GPR39: variants seen among roughly 807,000 people sequenced by gnomAD.
The protein encoded by GPR39 is G protein-coupled receptor 39, also known as zinc sensing receptor.
A neutral mutation model predicts 18.4 loss-of-function variants in GPR39; 23 were observed. The ratio of observed to expected loss-of-function variants is 1.25; its 90% CI spans 0.90 to 1.77. The LOEUF (loss-of-function observed/expected upper bound fraction) is 1.77. Among genes scored for constraint, GPR39 ranks in the 40% most tolerant of loss-of-function variants. The pLI, the probability that GPR39 is intolerant of heterozygous loss-of-function variation, is 0.00. For synonymous variants in GPR39, 280 were observed against 257.9 expected (o/e 1.09, Z -0.82); for missense variants, 647 against 602.4 (o/e 1.07, Z -0.78).
At chr2:132,496,249 A>G (rs1462872181) in intron 1 of GPR39, among the ~76,000 whole-genome samples, 1 of 152,152 alleles carries the variant, frequency 6.6e-6, no homozygotes, top group Non-Finnish European at 1.5e-5. Context: ...ATGTCCCTTC[A>G]TTTCAGAAAA....
At chr2:132,430,178 A>G (rs1573598027) in intron 1 of GPR39, among the ~76,000 whole-genome samples, 1 of 152,176 alleles carries the variant, frequency 6.6e-6, no homozygotes, top group East Asian at 1.9e-4. Flanking sequence ...TTAGTCATGA[A>G]GGGGTGGTAG....
intron 1 of GPR39, among the ~76,000 whole-genome samples, chr2:132,493,093 T>TATATAC: frequency 3.3e-5 from 1 of 29,970 alleles, no homozygotes; most frequent in Non-Finnish European, 8.7e-5. Context: ...ACCATATATA[T>TATATAC]ACACCATATA....
chr2:132,638,263 C>CT (rs1381781550), intron 1 of GPR39, among the ~76,000 whole-genome samples: 1 of 152,150 alleles, frequency 6.6e-6, no homozygotes, highest in Non-Finnish European at 1.5e-5. Context: ...TCTGCTTTGA[C>CT]TGTAGACACT....
At chr2:132,594,279 A>T (rs574077006) in intron 1 of GPR39, among the ~76,000 whole-genome samples, 1 of 152,004 alleles carries the variant, frequency 6.6e-6, no homozygotes, top group Admixed American at 6.6e-5. Flanking sequence ...AAAAGGAAAC[A>T]TTGGACTTGA....
chr2:132,511,570 A>AG (rs1423673419), intron 1 of GPR39, among the ~76,000 whole-genome samples: 7 of 152,182 alleles, frequency 4.6e-5, no homozygotes, highest in Admixed American at 1.3e-4. Flanking sequence ...TGTAGTGCTG[A>AG]GGGAGAACTC....
chr2:132,552,384 C>G (rs1680059155), intron 1 of GPR39, among the ~76,000 whole-genome samples: 1 of 152,038 alleles, frequency 6.6e-6, no homozygotes, highest in East Asian at 1.9e-4. Context: ...CTCTCTTGCT[C>G]TCACTCTGCC....
intron 1 of GPR39, among the ~76,000 whole-genome samples, chr2:132,545,626 C>T (rs1180073406): frequency 6.7e-6 from 1 of 149,896 alleles, no homozygotes; most frequent in African/African-American, 2.5e-5. Flanking sequence ...TGTCTTAAAA[C>T]CATCTTATAA....
intron 1 of GPR39, among the ~76,000 whole-genome samples, chr2:132,596,188 A>T (rs1043031246): frequency 6.6e-6 from 1 of 152,162 alleles, no homozygotes; most frequent in African/African-American, 2.4e-5. Flanking sequence ...AGATTTTTTT[A>T]AAATTGACTA....
intron 1 of GPR39, among the ~76,000 whole-genome samples, chr2:132,463,097 G>C (rs946565889): frequency 6.6e-5 from 10 of 152,188 alleles, no homozygotes; most frequent in African/African-American, 2.2e-4. Context: ...CACTGTTCTA[G>C]GTGGCAGAAT....
In GPR39 at chr2:132,523,955, C is replaced by A. The variant is rs1679467236; in HGVS notation, c.856+106057C>A. 3 of 152,708 alleles carry A rather than the reference C, an allele frequency of 2.0e-5. No homozygotes were observed. The South Asian group carries it at 6.2e-4, about 32-fold the overall frequency. 9.5% of individuals were successfully genotyped at this position (152,708 alleles called of 1,614,324 possible). ...GCAATTCTCAAAATGTGATCCCAGA[C>A]AGGCAGTATCAGCATCACCCAGGAA... On this transcript the variant is annotated intron_variant, in intron 1 of 1. Transcript: ENST00000329321.
chr2:132,516,041 A>T (rs555921777), intron 1 of GPR39, among the ~76,000 whole-genome samples: 1 of 152,148 alleles, frequency 6.6e-6, no homozygotes, highest in African/African-American at 2.4e-5. Context: ...TCAGCCTTGC[A>T]GTGACTGACG....
intron 1 of GPR39, among the ~76,000 whole-genome samples, chr2:132,534,179 G>T (rs34737665): frequency 0.15 from 22,796 of 151,924 alleles, 1,785 homozygotes; most frequent in Middle Eastern, 0.24. Flanking sequence ...GTGGGCGAAG[G>T]ATATGAACAG....
At chr2:132,526,208 A>T (rs535173464) in intron 1 of GPR39, among the ~76,000 whole-genome samples, 3 of 152,176 alleles carry the variant, frequency 2.0e-5, no homozygotes, top group Non-Finnish European at 4.4e-5. Context: ...CTTATTGGAG[A>T]TGTTTTTAGC....
In GPR39 at chr2:132,595,754, C is replaced by T. The variant is rs187209366; in HGVS notation, c.857-49347C>T. On this transcript the variant is annotated intron_variant, in intron 1 of 1. Coordinates refer to ENST00000329321, the MANE Select transcript of GPR39 (RefSeq NM_001508.3). ...GTTGTGATCAAAGTGTGTTTCTGTT[C>T]CTGCCAAGCCCCTGTGTCATGAGAA... is the stretch of plus-strand genomic sequence containing the variant. Among the ~76,000 whole-genome samples, 14 of 152,190 alleles carry T rather than the reference C, an allele frequency of 9.2e-5. 1 individual carries two copies. The highest frequency in any genetic ancestry group is 9.2e-4 in the Admixed American group (14 of 15,288).
intron 1 of GPR39, among the ~76,000 whole-genome samples, chr2:132,589,872 T>C (rs1680797948): frequency 6.6e-6 from 1 of 152,154 alleles, no homozygotes; most frequent in South Asian, 2.1e-4. Flanking sequence ...TGAGCATTTG[T>C]TTTATTAAGG....
At chr2:132,532,965 T>A in intron 1 of GPR39, among the ~76,000 whole-genome samples, 1 of 152,108 alleles carries the variant, frequency 6.6e-6, no homozygotes, top group Non-Finnish European at 1.5e-5. Context: ...TCACCACTCC[T>A]ATTCAACGTA....
intron 1 of GPR39, among the ~76,000 whole-genome samples, chr2:132,448,506 C>G (rs1680577704): frequency 6.6e-6 from 1 of 152,170 alleles, no homozygotes. Flanking sequence ...GTGCTGACCC[C>G]TGGGATTTGT....
intron 1 of GPR39, among the ~76,000 whole-genome samples, chr2:132,505,532 C>T (rs1292323670): frequency 6.6e-6 from 1 of 152,162 alleles, no homozygotes; most frequent in Non-Finnish European, 1.5e-5. Context: ...ATTAACCAAC[C>T]TCTTTTATCC....
At chr2:132,638,834 T>C (rs957823641) in intron 1 of GPR39, among the ~76,000 whole-genome samples, 1 of 152,220 alleles carries the variant, frequency 6.6e-6, no homozygotes, top group African/African-American at 2.4e-5. Context: ...TGCAAGTTAA[T>C]TTATTGTCCA....
Sources: gnomAD v4.1 joint callset for allele counts (sites outside exome capture counted in the v4.1 genomes callset) on GRCh38, gnomAD v4.1.1 for gene constraint, MANE v1.5 for transcripts, NCBI Gene and HGNC (gene_info 2026-07-23, HGNC 2026-07-21) for gene names.